Variants in LRRC69 observed in about 807,000 individuals in gnomAD.
LRRC69 encodes leucine-rich repeat-containing protein 69.
In LRRC69, 42 loss-of-function variants were observed where a neutral mutation model predicts 37.8. The observed-to-expected ratio is 1.11, with a 90% confidence interval of 0.87 to 1.44. LRRC69 has a LOEUF of 1.44. Among genes scored for constraint, LRRC69 ranks in the 40% most tolerant of loss-of-function variants. The pLI is 0.00. For missense variants in LRRC69, 357 were observed against 401.9 expected (o/e 0.89, Z 0.96); for synonymous variants, 141 against 143.1 (o/e 0.99, Z 0.11).
At chr8:91,149,205 T>G (rs1161520438) in intron 5 of LRRC69, among the ~76,000 whole-genome samples, 4 of 152,068 alleles carry the variant, frequency 2.6e-5, no homozygotes, top group African/African-American at 9.7e-5. Context: ...TCTAGGGTTT[T>G]TATGGTTTTA....
chr8:91,124,550 T>C (rs1207069506), exon 2 of LRRC69: 1 of 1,535,488 alleles, frequency 6.5e-7, no homozygotes, highest in Non-Finnish European at 8.8e-7. Context: ...AGAGATGAAA[T>C]ATCTTACATC....
At position 91,148,768 on chromosome 8, in the gene LRRC69, T is replaced by C. The variant is rs1032443596; in HGVS notation, c.651+13029T>C. On this transcript the variant is annotated intron_variant, in intron 5 of 7. Coordinates refer to ENST00000448384, the Ensembl canonical transcript of LRRC69. ...TGTTGTTTCCTGACTTTTTAATGATTGCCATTCTAACTGGTGTGAGATGTT... is the reference window on the plus strand; with the variant it reads ...TGTTGTTTCCTGACTTTTTAATGATCGCCATTCTAACTGGTGTGAGATGTT... 2.6e-5 allele frequency among the ~76,000 whole-genome samples: 4 copies of C among 152,008 alleles called. No homozygotes were observed. In the South Asian group the frequency reaches 6.2e-4, roughly 24 times the overall value.
At chr8:91,152,925 GA>G (rs1808766753) in intron 5 of LRRC69, among the ~76,000 whole-genome samples, 1 of 151,218 alleles carries the variant, frequency 6.6e-6, no homozygotes, top group Non-Finnish European at 1.5e-5. Context: ...AAAAGACACA[GA>G]CTGACAAATT....
At chr8:91,191,638 G>C (rs1586276187) in intron 6 of LRRC69, among the ~76,000 whole-genome samples, 1 of 152,282 alleles carries the variant, frequency 6.6e-6, no homozygotes, top group Non-Finnish European at 1.5e-5. Flanking sequence ...GGGATATAGG[G>C]AGCTGAGGGA....
chr8:91,196,051 A>G (rs1360882608), intron 6 of LRRC69, among the ~76,000 whole-genome samples: 2 of 151,936 alleles, frequency 1.3e-5, no homozygotes, highest in Admixed American at 6.6e-5. Flanking sequence ...TAGTGACAAA[A>G]TCTCTCAGCA....
intron 7 of LRRC69, 134 bp from the exon 8 acceptor site, chr8:91,218,756 C>A (rs1316971185): frequency 5.4e-6 from 3 of 556,290 alleles, no homozygotes; most frequent in African/African-American, 1.9e-5. Context: ...GAGAAAAGAG[C>A]AAATCAAGCA....
chr8:91,148,891 A>G (rs529104110), intron 5 of LRRC69, among the ~76,000 whole-genome samples: 2 of 151,870 alleles, frequency 1.3e-5, no homozygotes, highest in South Asian at 2.1e-4. Context: ...CTTTTGAGAA[A>G]TGTCTGTTCA....
chr8:91,195,408 T>C (rs2130619694), intron 6 of LRRC69, among the ~76,000 whole-genome samples: 1 of 151,822 alleles, frequency 6.6e-6, no homozygotes, highest in East Asian at 1.9e-4. Context: ...TTGTTGACTT[T>C]CTGTCTTGTT....
At chr8:91,125,547 C>G (rs1353123495) in intron 2 of LRRC69, among the ~76,000 whole-genome samples, 1 of 151,630 alleles carries the variant, frequency 6.6e-6, no homozygotes, top group Non-Finnish European at 1.5e-5. Context: ...AGCCACAGAC[C>G]AGAGTTCAGT....
chr8:91,105,178 A>G (rs547398139), intron 1 of LRRC69, among the ~76,000 whole-genome samples: 1 of 152,064 alleles, frequency 6.6e-6, no homozygotes, highest in South Asian at 2.1e-4. Context: ...ATTCAGGCCA[A>G]TGGTATTATG....
intron 5 of LRRC69, among the ~76,000 whole-genome samples, chr8:91,148,641 C>G (rs1808668441): frequency 6.6e-6 from 1 of 151,924 alleles, no homozygotes; most frequent in African/African-American, 2.4e-5. Context: ...AGTTCTAGAT[C>G]CCTGACGAAT....
intron 7 of LRRC69, among the ~76,000 whole-genome samples, chr8:91,217,635 A>G (rs1413440607): frequency 1.3e-5 from 2 of 152,066 alleles, no homozygotes; most frequent in Admixed American, 1.3e-4. Flanking sequence ...GAGTGAGAAA[A>G]GTTGCTCTCT....
chr8:91,203,908 A>G (rs1198052789), intron 7 of LRRC69, among the ~76,000 whole-genome samples: 2 of 150,508 alleles, frequency 1.3e-5, no homozygotes, highest in African/African-American at 5.0e-5. Context: ...TCACGAGGTC[A>G]GGAGATCGAG....
chr8:91,191,991 C>T (rs1245487581), intron 6 of LRRC69, among the ~76,000 whole-genome samples: 1 of 115,140 alleles, frequency 8.7e-6, no homozygotes, highest in Non-Finnish European at 1.8e-5. Flanking sequence ...GCTATCCCTC[C>T]CCCCTCCCCC....
chr8:91,201,933 C>T (rs553634241), intron 7 of LRRC69, among the ~76,000 whole-genome samples: 17 of 152,026 alleles, frequency 1.1e-4, no homozygotes, highest in Admixed American at 2.6e-4. Context: ...AGGCTGGGTG[C>T]GGTGGCTCAC....
intron 5 of LRRC69, among the ~76,000 whole-genome samples, chr8:91,155,474 C>T (rs1808817421): frequency 6.6e-6 from 1 of 150,736 alleles, no homozygotes; most frequent in Admixed American, 6.7e-5. Flanking sequence ...TTTCTTTGTG[C>T]TGGAAACATT....
At chr8:91,118,394 A>AAAAAT (rs1813556106) in intron 1 of LRRC69, 1 of 318,986 alleles carries the variant, frequency 3.1e-6, no homozygotes, top group Non-Finnish European at 5.8e-6. Flanking sequence ...AAAAAAAAAA[A>AAAAAT]GCCAGGCGTG....
chr8:91,125,453 G>A (rs924489091), intron 2 of LRRC69, among the ~76,000 whole-genome samples: 1 of 151,660 alleles, frequency 6.6e-6, no homozygotes, highest in Non-Finnish European at 1.5e-5. Context: ...TAAAATCTTA[G>A]GTCATGTATC....
intron 5 of LRRC69, among the ~76,000 whole-genome samples, chr8:91,151,106 G>A (rs1808729243): frequency 6.6e-6 from 1 of 151,860 alleles, no homozygotes; most frequent in Admixed American, 6.6e-5. Flanking sequence ...TCTGATCTTA[G>A]TTATTTCTTG....
Sources: allele counts gnomAD v4.1 joint callset (sites outside exome capture counted in the v4.1 genomes callset), GRCh38; gene constraint gnomAD v4.1.1; transcripts MANE v1.5; gene names NCBI Gene and HGNC (gene_info 2026-07-23, HGNC 2026-07-21).